The following PHF8 variants were observed in gnomAD, a reference collection of about 807,000 sequenced individuals.
The protein encoded by PHF8 is PHD finger protein 8, also known as histone lysine demethylase PHF8.
PHF8 carries 9 observed loss-of-function variants against 74.4 expected under a neutral mutation model. That is an observed-to-expected ratio of 0.12 (90% CI 0.07 to 0.21). PHF8 has a LOEUF of 0.21. Ranked by LOEUF, PHF8 falls within the 10% of genes least tolerant of loss-of-function variation. PHF8 has a pLI of 1.00. For synonymous variants in PHF8, 311 were observed against 316.6 expected (o/e 0.98, Z 0.19); for missense variants, 478 against 816.6 (o/e 0.59, Z 5.05).
At chrX:53,976,826 G>A (rs1603308912) in intron 18 of PHF8, among the ~76,000 whole-genome samples, 1 of 111,061 alleles carries the variant, frequency 9.0e-6, no homozygotes, top group East Asian at 2.8e-4. Context: ...AGAATAATAG[G>A]GGAATTCTAC....
chrX:54,044,823 A>T, upstream of PHF8: 1 of 1,081,098 alleles, frequency 9.2e-7, no homozygotes, highest in South Asian at 2.1e-5. Flanking sequence ...CTACAAAATT[A>T]ATAGGTGGCG....
chrX:53,987,432 G>A (rs2065582941), intron 15 of PHF8, among the ~76,000 whole-genome samples: 1 of 111,893 alleles, frequency 8.9e-6, no homozygotes, highest in African/African-American at 3.2e-5. Flanking sequence ...GGCAAGGGCT[G>A]GGCGTGGTGG....
At chrX:53,989,315 G>A (rs2065622385) in intron 14 of PHF8, among the ~76,000 whole-genome samples, 1 of 111,039 alleles carries the variant, frequency 9.0e-6, no homozygotes, top group Non-Finnish European at 1.9e-5. Context: ...TACATCCACC[G>A]GAATGGCTAT....
rs1603298216 is a variant in PHF8, at chrX:53,938,228, G to A, written c.*930C>T. ...GGCTGTGCTCTGTGGTATAGGCGGA[G>A]CAAGCAGGCTGTAGGGCCAGGGTTA... On this transcript the variant is annotated 3_prime_UTR_variant, in exon 22 of 22. Coordinates refer to ENST00000338154, the MANE Select transcript of PHF8 (RefSeq NM_015107.3). The A allele has an allele frequency of 9.5e-7, 1 of 1,050,878 alleles. No individual in the cohort carries two copies. Among genetic ancestry groups the A allele is most frequent in the East Asian group, 3.5e-5 (1 of 28,457 alleles). The allele number at this position is 1,050,878 out of a possible 1,213,427, so 86.6% of individuals were successfully genotyped here. A position where few individuals can be genotyped will look rare whatever the true frequency, so the allele number is the denominator to read the frequency against.
rs2066610885 is a variant in PHF8, at chrX:54,044,231, A to G, written c.-562T>C. The G allele has an allele frequency of 1.3e-6, 1 of 754,230 alleles. No individual in the cohort carries two copies. Among genetic ancestry groups the G allele is most frequent in the African/African-American group, 2.3e-5 (1 of 43,751 alleles). 62.2% of individuals were successfully genotyped at this position (754,230 alleles called of 1,213,427 possible). Reference sequence around the variant, plus strand: ...GCCGGCAGGAGATACTCGCGAGCAAACCAACGGGGAAAGAGATGAACCGGC... The same window carrying G: ...GCCGGCAGGAGATACTCGCGAGCAAGCCAACGGGGAAAGAGATGAACCGGC... On this transcript the variant is annotated 5_prime_UTR_variant, in exon 1 of 22. Transcript: ENST00000338154.
chrX:54,015,563 G>A (rs1215796879), intron 6 of PHF8, among the ~76,000 whole-genome samples: 15 of 69,536 alleles, frequency 2.2e-4, no homozygotes, highest in Admixed American at 8.8e-4. Flanking sequence ...GTGACAGAGC[G>A]AAACTCCGTC....
chrX:54,044,791 A>T, upstream of PHF8: 1 of 766,300 alleles, frequency 1.3e-6, no homozygotes, highest in Non-Finnish European at 1.9e-6. Context: ...CTATGAGAGG[A>T]GGTGAACTCG....
intron 19 of PHF8, among the ~76,000 whole-genome samples, chrX:53,946,710 C>G (rs1169741657): frequency 8.9e-6 from 1 of 111,897 alleles, no homozygotes; most frequent in Non-Finnish European, 1.9e-5. Context: ...TATAAAAACA[C>G]CTTTTCATGG....
chrX:53,992,964 A>G, intron 13 of PHF8, 125 bp from the exon 14 acceptor site: 1 of 519,943 alleles, frequency 1.9e-6, no homozygotes, highest in Non-Finnish European at 3.5e-6. Context: ...GCCTTCTGCT[A>G]TACTGTCCCC....
intron 19 of PHF8, among the ~76,000 whole-genome samples, chrX:53,954,357 G>A (rs1459987191): frequency 9.3e-6 from 1 of 107,916 alleles, no homozygotes; most frequent in Non-Finnish European, 1.9e-5. Context: ...AAAATTAGCT[G>A]GGTGTGGTGG....
intron 18 of PHF8, 67 bp from the exon 19 acceptor site, chrX:53,963,006 T>G (rs2065127810): frequency 3.0e-6 from 2 of 658,083 alleles, no homozygotes; most frequent in Non-Finnish European, 5.1e-6. Flanking sequence ...GAATGACACC[T>G]ACTCCAGCTC....
intron 19 of PHF8, among the ~76,000 whole-genome samples, chrX:53,960,968 A>G (rs2065094968): frequency 9.0e-6 from 1 of 110,510 alleles, no homozygotes; most frequent in South Asian, 4.0e-4. Context: ...TTACTTTGAC[A>G]GGAAAAATAA....
intron 18 of PHF8, 60 bp from the exon 19 acceptor site, chrX:53,962,999 T>C (rs1250382312): frequency 1.3e-5 from 9 of 685,357 alleles, no homozygotes; most frequent in South Asian, 2.1e-5. Context: ...GAAGATAGAA[T>C]GACACCTACT....
At chrX:54,016,566 G>A (rs782496040) in intron 6 of PHF8, 29 bp downstream of exon 6, 2 of 1,180,026 alleles carry the variant, frequency 1.7e-6, no homozygotes, top group African/African-American at 1.8e-5. Context: ...CACTTTGTCA[G>A]GTTTTTTTGT....
chrX:53,938,789 A>G lies in PHF8; in HGVS notation c.*369T>C, dbSNP rs1876149304. On this transcript the variant is annotated 3_prime_UTR_variant, in exon 22 of 22. Coordinates refer to ENST00000338154, the MANE Select transcript of PHF8 (RefSeq NM_015107.3). Reference sequence around the variant, plus strand: ...TGTCAAGCACTGGGCTTCCCACTTCATGGCTCAGGCTCCTTCATACCTCTC... The same window carrying G: ...TGTCAAGCACTGGGCTTCCCACTTCGTGGCTCAGGCTCCTTCATACCTCTC... 1.0e-5 allele frequency: 8 copies of G among 785,098 alleles called. No individual in the cohort carries two copies. The South Asian group carries it at 5.2e-4, about 51-fold the overall frequency. 64.7% of individuals were successfully genotyped at this position (785,098 alleles called of 1,213,427 possible).
chrX:54,019,787 CAA>C (rs781792263), intron 4 of PHF8, among the ~76,000 whole-genome samples: 5 of 27,742 alleles, frequency 1.8e-4, no homozygotes, highest in Admixed American at 8.8e-4. Context: ...GACACCGCCT[CAA>C]AAAAAAAAAA....
intron 18 of PHF8, among the ~76,000 whole-genome samples, chrX:53,983,058 C>T (rs782624072): frequency 5.1e-4 from 56 of 109,156 alleles, no homozygotes; most frequent in African/African-American, 1.8e-3. Context: ...TGGTGGTATG[C>T]ACCTATGGTC....
In PHF8 at chrX:53,950,318, G is replaced by A. The variant is rs190807302; in HGVS notation, c.2540-6075C>T. Reference sequence around the variant, plus strand: ...AGAATTTTAAAGGCATGTGCTTAATGTCATAGCTGTTTAAGGTGATGGATA... The same window carrying A: ...AGAATTTTAAAGGCATGTGCTTAATATCATAGCTGTTTAAGGTGATGGATA... On this transcript the variant is annotated intron_variant, in intron 19 of 21. Coordinates refer to ENST00000338154, the MANE Select transcript of PHF8 (RefSeq NM_015107.3). Among the ~76,000 whole-genome samples, 30 of 112,066 alleles carry A rather than the reference G, an allele frequency of 2.7e-4. 1 individual carries two copies. In the Middle Eastern group the frequency reaches 0.018, roughly 69 times the overall value.
Position 53,993,913 on chromosome X carries a change from T to C in PHF8, c.1324-10A>G. 8.6e-7 allele frequency: 1 copy of C among 1,162,068 alleles called. No homozygotes were observed. The highest frequency in any genetic ancestry group is 1.8e-5 in the African/African-American group (1 of 56,838). The stretch of plus-strand genomic sequence containing the variant: ...TCTGTTGGAAGATGTCCTACAAGAG[T>C]GTTAGTACATGAGGGGGTTAGAGCT... On this transcript the variant is annotated splice_polypyrimidine_tract_variant and intron_variant, in intron 12 of 21. Coordinates refer to ENST00000338154, the MANE Select transcript of PHF8 (RefSeq NM_015107.3).
Sources: allele counts gnomAD v4.1 joint callset (sites outside exome capture counted in the v4.1 genomes callset), GRCh38; gene constraint gnomAD v4.1.1; transcripts MANE v1.5; gene names NCBI Gene and HGNC (gene_info 2026-07-23, HGNC 2026-07-21).